The following MED27 variants were observed in gnomAD, a reference collection of about 807,000 sequenced individuals.
MED27 encodes mediator complex subunit 27, also known as mediator of RNA polymerase II transcription subunit 27.
A neutral mutation model predicts 38.2 loss-of-function variants in MED27; 30 were observed. The ratio of observed to expected loss-of-function variants is 0.79; its 90% confidence interval spans 0.59 to 1.07. The LOEUF (loss-of-function observed/expected upper bound fraction) is 1.07. Among genes scored for constraint, MED27 ranks in the 50% least tolerant of loss-of-function variants. MED27 has a pLI of 0.00. For missense variants in MED27, 289 were observed against 397.5 expected, an observed-to-expected ratio of 0.73 and a Z score of 2.32; for synonymous variants, 122 against 153.5, an observed-to-expected ratio of 0.79 and a Z score of 1.52.
At chr9:131,991,207 A>G (rs1465721669) in intron 3 of MED27, among the ~76,000 whole-genome samples, 1 of 152,250 alleles carries the variant, frequency 6.6e-6, no homozygotes, top group Non-Finnish European at 1.5e-5. Flanking sequence ...AAAAAATGCA[A>G]GTGCCATCAG....
chr9:131,960,802 G>A (rs1351896524), intron 3 of MED27, among the ~76,000 whole-genome samples: 2 of 152,100 alleles, frequency 1.3e-5, no homozygotes, highest in Non-Finnish European at 2.9e-5. Context: ...GAGATGAGAT[G>A]ACACAGCTAC....
At chr9:131,970,780 G>A (rs972216035) in intron 3 of MED27, among the ~76,000 whole-genome samples, 3 of 152,208 alleles carry the variant, frequency 2.0e-5, no homozygotes, top group African/African-American at 7.2e-5. Flanking sequence ...ATCACAGAAA[G>A]CACAGCAAGA....
chr9:132,077,389 A>T (rs1277111941), intron 2 of MED27, 53 bp downstream of exon 2: 1 of 1,530,168 alleles, frequency 6.5e-7, no homozygotes. Flanking sequence ...TGTATGGAAT[A>T]TAAGAAAACT....
intron 3 of MED27, among the ~76,000 whole-genome samples, chr9:131,974,337 C>T (rs1831556872): frequency 6.6e-6 from 1 of 152,174 alleles, no homozygotes; most frequent in South Asian, 2.1e-4. Context: ...GAAGAAGGTA[C>T]CAGGCTTAAC....
chr9:131,903,891 CTT>C (rs35837340), intron 4 of MED27, among the ~76,000 whole-genome samples: 294 of 126,694 alleles, frequency 2.3e-3, no homozygotes, highest in African/African-American at 3.9e-3. Context: ...CCACACACAG[CTT>C]TTTTTTTTTT....
intron 6 of MED27, among the ~76,000 whole-genome samples, chr9:131,876,855 A>G (rs1306753420): frequency 6.6e-6 from 1 of 152,206 alleles, no homozygotes; most frequent in Non-Finnish European, 1.5e-5. Flanking sequence ...TTCCCTTTGC[A>G]AGGATGAAAG....
intron 4 of MED27, among the ~76,000 whole-genome samples, chr9:131,928,018 T>C (rs1830513091): frequency 6.6e-6 from 1 of 152,010 alleles, no homozygotes; most frequent in African/African-American, 2.4e-5. Context: ...CCCATGCATA[T>C]GCACAAACAA....
chr9:131,930,045 A>G (rs770735375), intron 4 of MED27, among the ~76,000 whole-genome samples: 4 of 152,062 alleles, frequency 2.6e-5, no homozygotes, highest in Non-Finnish European at 2.9e-5. Flanking sequence ...AGAGAGAGAG[A>G]GGCTCCCTTT....
chr9:132,058,075 G>A (rs908363802), intron 2 of MED27, among the ~76,000 whole-genome samples: 3 of 152,256 alleles, frequency 2.0e-5, no homozygotes, highest in South Asian at 2.1e-4. Context: ...AGAATTATAT[G>A]AGGCTTGGCC....
At chr9:131,998,473 A>G (rs1201549867) in intron 3 of MED27, among the ~76,000 whole-genome samples, 2 of 152,102 alleles carry the variant, frequency 1.3e-5, no homozygotes, top group African/African-American at 2.4e-5. Context: ...TTCCTTCACT[A>G]TGAAATGAGG....
intron 3 of MED27, among the ~76,000 whole-genome samples, chr9:131,987,526 G>C: frequency 6.6e-6 from 1 of 152,274 alleles, no homozygotes; most frequent in Non-Finnish European, 1.5e-5. Flanking sequence ...CTGTCTTAAA[G>C]AAATCACTAC....
intron 3 of MED27, among the ~76,000 whole-genome samples, chr9:132,002,653 T>C (rs1191138691): frequency 6.6e-6 from 1 of 152,130 alleles, no homozygotes; most frequent in Admixed American, 6.5e-5. Context: ...GGCTCTCGCC[T>C]ATAATCCCAG....
rs1182675027 is a variant in MED27, at chr9:131,860,682, G to A, written c.802-10C>T. On this transcript the variant is annotated splice_polypyrimidine_tract_variant and intron_variant, in intron 7 of 7. Transcript: ENST00000292035. This position sits in a 1 kb window ranked among gnomAD's most constrained non-coding sequence, Gnocchi z 5.8. Reference sequence around the variant, plus strand: ...AACTTCTTAACCAGGTCTAAAAAGAGAAACGAGGAGAGAAGTGAAAGAATG... The same window carrying A: ...AACTTCTTAACCAGGTCTAAAAAGAAAAACGAGGAGAGAAGTGAAAGAATG... The A allele has an allele frequency of 1.2e-6, 2 of 1,612,378 alleles. No homozygotes were observed.
chr9:132,024,784 G>T (rs1832783325), intron 2 of MED27, among the ~76,000 whole-genome samples: 1 of 152,220 alleles, frequency 6.6e-6, no homozygotes, highest in South Asian at 2.1e-4. Context: ...CCGAGGATTA[G>T]TTGGACAGCT....
At chr9:132,014,816 G>A (rs1832567573) in intron 2 of MED27, among the ~76,000 whole-genome samples, 1 of 152,192 alleles carries the variant, frequency 6.6e-6, no homozygotes, top group Non-Finnish European at 1.5e-5. Flanking sequence ...TGTAAACAGA[G>A]AGGCACTTTA....
chr9:132,063,379 C>T (rs1262242602), intron 2 of MED27, among the ~76,000 whole-genome samples: 3 of 152,178 alleles, frequency 2.0e-5, no homozygotes, highest in African/African-American at 7.2e-5. Context: ...GAAGTCTCAA[C>T]AGGAAAAGCA....
chr9:132,027,713 C>G (rs969174288), intron 2 of MED27, among the ~76,000 whole-genome samples: 3 of 152,234 alleles, frequency 2.0e-5, no homozygotes, highest in African/African-American at 7.2e-5. Flanking sequence ...CTTAATTTAT[C>G]TCACTTAGTG....
At chr9:132,038,188 C>CTTTT (rs144353393) in intron 2 of MED27, among the ~76,000 whole-genome samples, 111 of 125,648 alleles carry the variant, frequency 8.8e-4, no homozygotes, top group African/African-American at 1.3e-3. Context: ...AGGCATCCTT[C>CTTTT]TTTTTTTTTT....
At chr9:131,865,359 C>T (rs1004864284) in intron 6 of MED27, among the ~76,000 whole-genome samples, 8 of 152,070 alleles carry the variant, frequency 5.3e-5, no homozygotes, top group Non-Finnish European at 8.8e-5. Flanking sequence ...TTAATGGCTA[C>T]GAAACACAGC....
Sources: gnomAD v4.1 joint callset for allele counts (sites outside exome capture counted in the v4.1 genomes callset) on GRCh38, gnomAD v4.1.1 for gene constraint, Gnocchi (gnomAD v3.1) non-coding constraint, MANE v1.5 for transcripts, NCBI Gene and HGNC (gene_info 2026-07-23, HGNC 2026-07-21) for gene names.